Variants in CHST8 observed in about 807,000 individuals in gnomAD.
CHST8 encodes the protein GALNAC-4-ST1.
In CHST8, 10 loss-of-function variants were observed where a neutral mutation model predicts 15.0. The observed-to-expected ratio is 0.67, with a 90% confidence interval of 0.41 to 1.13. CHST8 has a LOEUF of 1.13. Ranked by LOEUF, CHST8 falls within the 50% of genes most tolerant of loss-of-function variation. The pLI, the probability that CHST8 is intolerant of heterozygous loss-of-function variation, is 0.00. For synonymous variants in CHST8, 259 were observed against 256.6 expected, an observed-to-expected ratio of 1.01 and a Z score of -0.09; for missense variants, 634 against 608.2, an observed-to-expected ratio of 1.04 and a Z score of -0.45.
intron 3 of CHST8, among the ~76,000 whole-genome samples, chr19:33,770,684 A>G (rs539935498): frequency 2.0e-5 from 3 of 152,294 alleles, no homozygotes; most frequent in African/African-American, 7.2e-5. Flanking sequence ...CCATTGATGC[A>G]CTGGTCTCTC....
chr19:33,642,244 G>A (rs1320036810), intron 1 of CHST8, among the ~76,000 whole-genome samples: 2 of 152,194 alleles, frequency 1.3e-5, no homozygotes, highest in Non-Finnish European at 2.9e-5. Context: ...GTGTGCCTCT[G>A]GAGTCTGGCC....
At chr19:33,697,812 G>C (rs543075519) in intron 3 of CHST8, among the ~76,000 whole-genome samples, 1 of 152,310 alleles carries the variant, frequency 6.6e-6, no homozygotes, top group South Asian at 2.1e-4. Context: ...GCGGCACGTG[G>C]AGAACTTTAA....
chr19:33,639,841 T>A (rs1166070506), intron 1 of CHST8, among the ~76,000 whole-genome samples: 1 of 33,538 alleles, frequency 3.0e-5, no homozygotes, highest in African/African-American at 2.0e-4. Context: ...GCAAATCAAA[T>A]TTTTTTTTTT....
chr19:33,684,110 G>A (rs571597379), intron 2 of CHST8, among the ~76,000 whole-genome samples: 2 of 152,314 alleles, frequency 1.3e-5, no homozygotes, highest in East Asian at 3.9e-4. Flanking sequence ...GCGCCCCTCA[G>A]ACTCCAACTG....
chr19:33,721,505 G>T (rs1034312769), intron 3 of CHST8, among the ~76,000 whole-genome samples: 4 of 152,048 alleles, frequency 2.6e-5, no homozygotes, highest in African/African-American at 9.7e-5. Context: ...TGGGAAGATG[G>T]ATGGATGGAT....
intron 3 of CHST8, among the ~76,000 whole-genome samples, chr19:33,725,198 C>T (rs1022442273): frequency 4.6e-5 from 7 of 152,100 alleles, no homozygotes; most frequent in East Asian, 1.9e-4. Flanking sequence ...TATGTCTGCG[C>T]GTCACAAACC....
At chr19:33,771,737 G>C (rs988305129) in intron 4 of CHST8, among the ~76,000 whole-genome samples, 7 of 152,116 alleles carry the variant, frequency 4.6e-5, no homozygotes, top group Non-Finnish European at 2.9e-5. Context: ...TGGGAGGACC[G>C]CGCCATCTTG....
chr19:33,767,554 C>T lies in CHST8; in HGVS notation c.131-3859C>T, dbSNP rs537018128. On this transcript the variant is annotated intron_variant, in intron 3 of 4. Coordinates refer to ENST00000650847, the MANE Select transcript of CHST8 (RefSeq NM_001127895.2). ...CACATTTGGCAGTGCCCATAACTCA[C>T]GCCTTGTTTATTCTCACCGATGCTC... 4.8e-4 allele frequency among the ~76,000 whole-genome samples: 73 copies of T among 152,362 alleles called. No individual in the cohort carries two copies. In the Middle Eastern group the frequency reaches 0.014, roughly 28 times the overall value.
rs945875364 is a variant in CHST8, at chr19:33,719,312, C to T, written c.130+29921C>T. Among the ~76,000 whole-genome samples the T allele has an allele frequency of 5.9e-5, 9 of 152,272 alleles. 1 individual carries two copies. Among genetic ancestry groups the T allele is most frequent in the Admixed American group, 5.2e-4 (8 of 15,304 alleles). Reference sequence around the variant, plus strand: ...CAAGTGGCTCTGGTGTCATTGGTGACACCCATGTGTGTTCACTCCTGGTGG... The same window carrying T: ...CAAGTGGCTCTGGTGTCATTGGTGATACCCATGTGTGTTCACTCCTGGTGG... On this transcript the variant is annotated intron_variant, in intron 3 of 4. Transcript: ENST00000650847.
intron 2 of CHST8, among the ~76,000 whole-genome samples, chr19:33,671,275 C>T (rs1396750148): frequency 6.6e-6 from 1 of 152,138 alleles, no homozygotes; most frequent in Non-Finnish European, 1.5e-5. Context: ...CCAAATAAAG[C>T]CTTCTTTGAA....
rs752510254 is a variant in CHST8, at chr19:33,772,065, G to A, written c.277G>A (p.Asp93Asn). The change falls in exon 5 of 5, where the codon GAC becomes AAC. Residue 93 changes from aspartate (D) to asparagine (N), a missense_variant. By Grantham distance (23) the Asp-to-Asn change is conservative. Transcript: ENST00000650847. ...GAGGGGCCGCAACCTGCCAGCGCCTGACCAGCCTCAACCCCCGCTGCAGAG... is the reference window on the plus strand; with the variant it reads ...GAGGGGCCGCAACCTGCCAGCGCCTAACCAGCCTCAACCCCCGCTGCAGAG... ...APRGRNLPAP[D>N]QPQPPLQRGT... The A allele has an allele frequency of 6.2e-7, 1 of 1,612,484 alleles. No homozygotes were observed. Among genetic ancestry groups the A allele is most frequent in the South Asian group, 1.1e-5 (1 of 91,046 alleles).
chr19:33,636,442 G>A (rs983842941), intron 1 of CHST8, among the ~76,000 whole-genome samples: 2 of 152,172 alleles, frequency 1.3e-5, no homozygotes, highest in African/African-American at 4.8e-5. Flanking sequence ...ACCACTACGG[G>A]TCCTGGTATG....
intron 1 of CHST8, among the ~76,000 whole-genome samples, chr19:33,636,109 C>A (rs1160519572): frequency 1.6e-5 from 2 of 124,054 alleles, no homozygotes; most frequent in African/African-American, 3.2e-5. Context: ...AAAAAAAAAA[C>A]CTCTTGACGC....
rs1485704140 is a variant in CHST8 at position 33,772,172 on chromosome 19, C to G, written c.384C>G (p.Asn128Lys). 1 of 1,599,230 alleles carries G rather than the reference C, an allele frequency of 6.3e-7. No homozygotes were observed. Among genetic ancestry groups the G allele is most frequent in the Non-Finnish European group, 8.5e-7 (1 of 1,174,540 alleles). The change falls in exon 5 of 5, where the codon AAC (asparagine) becomes AAG (lysine). Residue 128 changes from asparagine (N) to lysine (K), a missense_variant. Physicochemically the swap from Asn to Lys is moderately conservative, Grantham distance 94 (BLOSUM62 0). Coordinates refer to ENST00000650847, the MANE Select transcript of CHST8 (RefSeq NM_001127895.2). Reference sequence around the variant, plus strand: ...CAGCTGCGGCGACCATCCCGGCCAACAGCTCGGACGCGCCCTTCATCCGGC... The same window carrying G: ...CAGCTGCGGCGACCATCCCGGCCAAGAGCTCGGACGCGCCCTTCATCCGGC... ...KMPAAATIPA[N>K]SSDAPFIRPG...
At chr19:33,640,084 C>T (rs998630221) in intron 1 of CHST8, among the ~76,000 whole-genome samples, 3 of 152,072 alleles carry the variant, frequency 2.0e-5, no homozygotes, top group Admixed American at 6.6e-5. Flanking sequence ...CCTCGTGATC[C>T]GCCCACCTCG....
chr19:33,753,678 T>C (rs1175848356), intron 3 of CHST8, among the ~76,000 whole-genome samples: 1 of 724 alleles, frequency 1.4e-3, no homozygotes, highest in Non-Finnish European at 3.0e-3. Flanking sequence ...CCACCCACCA[T>C]CCCCCCACCA....
At chr19:33,673,508 T>C (rs1972769737) in intron 2 of CHST8, among the ~76,000 whole-genome samples, 1 of 152,184 alleles carries the variant, frequency 6.6e-6, no homozygotes, top group Non-Finnish European at 1.5e-5. Flanking sequence ...CCACCCCCAG[T>C]TCTGAGGCTC....
intron 3 of CHST8, among the ~76,000 whole-genome samples, chr19:33,698,811 C>T (rs1216947824): frequency 6.6e-6 from 1 of 152,108 alleles, no homozygotes; most frequent in Non-Finnish European, 1.5e-5. Context: ...AAGGACCAGG[C>T]AAGACAGGCA....
intron 3 of CHST8, among the ~76,000 whole-genome samples, chr19:33,697,651 G>A (rs1163568772): frequency 6.6e-6 from 1 of 152,232 alleles, no homozygotes; most frequent in Non-Finnish European, 1.5e-5. Context: ...GGGCTTCAGA[G>A]CTAGGATGTG....
Sources: allele counts gnomAD v4.1 joint callset (sites outside exome capture counted in the v4.1 genomes callset), GRCh38; gene constraint gnomAD v4.1.1; transcripts MANE v1.5; gene names NCBI Gene and HGNC (gene_info 2026-07-23, HGNC 2026-07-21).